The following LIMCH1 variants were observed in gnomAD, a reference collection of about 807,000 sequenced individuals.
LIMCH1 encodes LIM and calponin homology domains 1, also known as LIM and calponin homology domains-containing protein 1.
LIMCH1 carries 113 observed loss-of-function variants against 176.5 expected under a neutral mutation model. The ratio of observed to expected loss-of-function variants is 0.64; its 90% CI spans 0.55 to 0.75. The LOEUF (loss-of-function observed/expected upper bound fraction) is 0.75. Ranked by LOEUF, LIMCH1 falls within the 30% of genes least tolerant of loss-of-function variation. LIMCH1 has a pLI of 0.00. For synonymous variants in LIMCH1, 619 were observed against 645.9 expected, an observed-to-expected ratio of 0.96 and a Z score of 0.63; for missense variants, 1,674 against 1,814.9, an observed-to-expected ratio of 0.92 and a Z score of 1.41.
intron 1 of LIMCH1, among the ~76,000 whole-genome samples, chr4:41,409,755 C>G (rs1403087479): frequency 2.6e-5 from 4 of 152,080 alleles, no homozygotes; most frequent in Admixed American, 2.6e-4. Flanking sequence ...ATAATATTGC[C>G]AGACTTTACA....
intron 4 of LIMCH1, among the ~76,000 whole-genome samples, chr4:41,608,856 T>C (rs1392193387): frequency 6.6e-6 from 1 of 152,146 alleles, no homozygotes; most frequent in Non-Finnish European, 1.5e-5. Flanking sequence ...TCAGGATCTT[T>C]CTCTCATCTC....
chr4:41,470,747 T>C (rs896179874), intron 1 of LIMCH1, among the ~76,000 whole-genome samples: 1 of 152,120 alleles, frequency 6.6e-6, no homozygotes, highest in African/African-American at 2.4e-5. Flanking sequence ...GACTTAATGG[T>C]TGGCTGGCCC....
intron 1 of LIMCH1, among the ~76,000 whole-genome samples, chr4:41,586,005 TTTCTC>T (rs71198670): frequency 1.5e-4 from 22 of 148,226 alleles, no homozygotes; most frequent in South Asian, 1.1e-3. Context: ...TCTGTCTTCT[TTTCTC>T]TTCTCTTCTC....
chr4:41,673,121 C>T (rs992230990), intron 22 of LIMCH1, among the ~76,000 whole-genome samples: 1 of 152,078 alleles, frequency 6.6e-6, no homozygotes, highest in African/African-American at 2.4e-5. Context: ...AGAAGGGATC[C>T]ATCACTTGTT....
chr4:41,425,175 T>G (rs74878649), intron 1 of LIMCH1, among the ~76,000 whole-genome samples: 2,065 of 152,282 alleles, frequency 0.014, 50 homozygotes, highest in African/African-American at 0.048. Flanking sequence ...ATTTTAAACA[T>G]GGAACAGATG....
chr4:41,411,956 C>CAAAAAAAAAA (rs61054692), intron 1 of LIMCH1, among the ~76,000 whole-genome samples: 2 of 38,552 alleles, frequency 5.2e-5, no homozygotes, highest in Admixed American at 5.0e-4. Context: ...GACTCCATCT[C>CAAAAAAAAAA]AAAAAAAAAA....
intron 2 of LIMCH1, among the ~76,000 whole-genome samples, chr4:41,506,827 A>G (rs1274405739): frequency 6.6e-6 from 1 of 152,228 alleles, no homozygotes; most frequent in African/African-American, 2.4e-5. Flanking sequence ...CCAATTCTCC[A>G]ATACCAGCTG....
intron 2 of LIMCH1, among the ~76,000 whole-genome samples, chr4:41,509,819 C>T (rs1325238117): frequency 6.6e-6 from 1 of 152,162 alleles, no homozygotes; most frequent in East Asian, 1.9e-4. Context: ...ATAAATAGCC[C>T]TTGGCTCCTA....
chr4:41,686,500 A>G (rs529590649), intron 28 of LIMCH1, among the ~76,000 whole-genome samples: 1 of 152,350 alleles, frequency 6.6e-6, no homozygotes, highest in East Asian at 1.9e-4. Flanking sequence ...ACGTAAGATC[A>G]TATTTGAGCC....
chr4:41,427,188 T>C (rs1292678453), intron 1 of LIMCH1, among the ~76,000 whole-genome samples: 2 of 152,218 alleles, frequency 1.3e-5, no homozygotes, highest in Non-Finnish European at 2.9e-5. Context: ...GCTTGAGATC[T>C]TTTAATTTCT....
Position 41,599,001 on chromosome 4 carries a change from G to A in LIMCH1, c.-159G>A. On this transcript the variant is annotated 5_prime_UTR_variant, in exon 2 of 32. Transcript: ENST00000503057. ...ACTTTTTGACCCGAGTGACCTCCAG[G>A]ATACATCCAACAGAGTAACAGTCAA... 3.1e-6 allele frequency: 5 copies of A among 1,610,048 alleles called. No homozygotes were observed. Among genetic ancestry groups the A allele is most frequent in the Non-Finnish European group, 4.2e-6 (5 of 1,176,610 alleles).
At chr4:41,623,238 G>A (rs2092708241) in intron 7 of LIMCH1, among the ~76,000 whole-genome samples, 2 of 152,146 alleles carry the variant, frequency 1.3e-5, no homozygotes, top group Non-Finnish European at 2.9e-5. Flanking sequence ...ATCTCTCGAG[G>A]CATTTTAACC....
At chr4:41,437,841 T>A (rs1277011298) in intron 1 of LIMCH1, among the ~76,000 whole-genome samples, 1 of 152,218 alleles carries the variant, frequency 6.6e-6, no homozygotes, top group East Asian at 1.9e-4. Flanking sequence ...TCCCAAAAAC[T>A]GTTCTTAGGT....
chr4:41,661,338 C>A (rs2094609740), intron 18 of LIMCH1, 82 bp from the exon 19 acceptor site: 1 of 1,008,636 alleles, frequency 9.9e-7, no homozygotes, highest in Non-Finnish European at 1.5e-6. Context: ...CTTTGTTGAC[C>A]TAAAAATTAC....
intron 1 of LIMCH1, among the ~76,000 whole-genome samples, chr4:41,389,958 C>T (rs1018855378): frequency 1.3e-5 from 2 of 152,194 alleles, no homozygotes; most frequent in African/African-American, 4.8e-5. Flanking sequence ...ACCTTGAAAG[C>T]CTTTCTTCTC....
At chr4:41,426,936 A>C (rs2061162802) in intron 1 of LIMCH1, among the ~76,000 whole-genome samples, 1 of 152,218 alleles carries the variant, frequency 6.6e-6, no homozygotes, top group Admixed American at 6.5e-5. Context: ...ATTCAGTGAA[A>C]TTCCAGTTAA....
At chr4:41,513,871 T>TG (rs554483234) in intron 2 of LIMCH1, among the ~76,000 whole-genome samples, 1 of 151,696 alleles carries the variant, frequency 6.6e-6, no homozygotes, top group Non-Finnish European at 1.5e-5. Context: ...CCAGGTGTGG[T>TG]GGTGCATGCC....
At chr4:41,557,745 A>G (rs2081473374) in intron 1 of LIMCH1, among the ~76,000 whole-genome samples, 1 of 152,166 alleles carries the variant, frequency 6.6e-6, no homozygotes, top group Non-Finnish European at 1.5e-5. Flanking sequence ...TACCTAAGCC[A>G]CATAGGGTGA....
chr4:41,694,144 A>AT (rs1448264917), intron 31 of LIMCH1, among the ~76,000 whole-genome samples: 1 of 152,060 alleles, frequency 6.6e-6, no homozygotes, highest in Non-Finnish European at 1.5e-5. Context: ...CACAAAAATG[A>AT]TTTTTTCTTT....
Sources: allele counts gnomAD v4.1 joint callset (sites outside exome capture counted in the v4.1 genomes callset), GRCh38; gene constraint gnomAD v4.1.1; transcripts MANE v1.5; gene names NCBI Gene and HGNC (gene_info 2026-07-23, HGNC 2026-07-21).